Variants in ACAP2 observed in about 807,000 individuals in gnomAD.
The protein encoded by ACAP2 is arf-GAP with coiled-coil, ANK repeat and PH domain-containing protein 2.
In ACAP2, 39 loss-of-function variants were observed where a neutral mutation model predicts 115.8. The ratio of observed to expected loss-of-function variants is 0.34; its 90% CI spans 0.26 to 0.44. The LOEUF (loss-of-function observed/expected upper bound fraction) is 0.44. Ranked by LOEUF, ACAP2 falls within the 20% of genes least tolerant of loss-of-function variation. ACAP2 has a pLI of 1.00. For missense variants in ACAP2, 662 were observed against 927.6 expected (o/e 0.71, Z 3.72); for synonymous variants, 289 against 315.8 (o/e 0.92, Z 0.90).
At chr3:195,317,278 A>T (rs887808416) in intron 10 of ACAP2, among the ~76,000 whole-genome samples, 1 of 152,140 alleles carries the variant, frequency 6.6e-6, no homozygotes, top group Non-Finnish European at 1.5e-5. Context: ...AAAACATTAA[A>T]TTTTTCCATT....
At chr3:195,366,466 A>G (rs1296809996) in intron 4 of ACAP2, among the ~76,000 whole-genome samples, 1 of 152,210 alleles carries the variant, frequency 6.6e-6, no homozygotes, top group Non-Finnish European at 1.5e-5. Context: ...GTATTTTAAA[A>G]GCTTGCCAGG....
rs548974427 is a variant in ACAP2, at chr3:195,279,324, A to G, written c.*4T>C. On this transcript the variant is annotated 3_prime_UTR_variant, in exon 23 of 23. Coordinates refer to ENST00000326793, the MANE Select transcript of ACAP2 (RefSeq NM_012287.6). Reference sequence around the variant, plus strand: ...ATTTCATATTTTCCCATTTTTAAAAAAATTCAGAATTTCTGTGAATCTTGC... The same window carrying G: ...ATTTCATATTTTCCCATTTTTAAAAGAATTCAGAATTTCTGTGAATCTTGC... The G allele has an allele frequency of 1.3e-6, 2 of 1,588,848 alleles. No homozygotes were observed. The highest frequency in any genetic ancestry group is 2.3e-5 in the East Asian group (1 of 44,218).
intron 4 of ACAP2, among the ~76,000 whole-genome samples, chr3:195,371,755 C>A (rs1253173597): frequency 2.0e-5 from 3 of 152,126 alleles, no homozygotes; most frequent in African/African-American, 7.2e-5. Context: ...CGGGCTCAAG[C>A]AATTGTCATG....
intron 1 of ACAP2, among the ~76,000 whole-genome samples, chr3:195,419,920 C>T (rs538544841): frequency 3.9e-5 from 6 of 152,344 alleles, no homozygotes; most frequent in Non-Finnish European, 1.5e-5. Flanking sequence ...TTCAACAATA[C>T]ATTTTAAAGT....
chr3:195,311,153 G>C (rs1728744937), intron 10 of ACAP2, among the ~76,000 whole-genome samples: 1 of 145,064 alleles, frequency 6.9e-6, no homozygotes, highest in South Asian at 2.2e-4. Context: ...CTGGAGTGCA[G>C]GGGTGCGATC....
At chr3:195,365,583 C>A (rs1043692002) in intron 4 of ACAP2, among the ~76,000 whole-genome samples, 2 of 151,432 alleles carry the variant, frequency 1.3e-5, no homozygotes, top group African/African-American at 4.9e-5. Flanking sequence ...AAAAAAAACA[C>A]ATTAAGTATT....
chr3:195,368,802 G>A lies in ACAP2; in HGVS notation c.285+12207C>T, dbSNP rs534249137. 8.5e-5 allele frequency among the ~76,000 whole-genome samples: 13 copies of A among 152,186 alleles called. 1 individual carries two copies. The highest frequency in any genetic ancestry group is 6.8e-3 in the Middle Eastern group (2 of 294). ...AAAAATCATTTCTAAAGAAGAAATCGGCAGAGCACAGTGGCTCACGCCTGT... is the reference window on the plus strand; with the variant it reads ...AAAAATCATTTCTAAAGAAGAAATCAGCAGAGCACAGTGGCTCACGCCTGT... On this transcript the variant is annotated intron_variant, in intron 4 of 22. Transcript: ENST00000326793.
chr3:195,378,465 C>A (rs1396298058), intron 4 of ACAP2, among the ~76,000 whole-genome samples: 2 of 151,602 alleles, frequency 1.3e-5, no homozygotes, highest in African/African-American at 4.8e-5. Context: ...GCACTCCAGC[C>A]TGGCAACAGA....
intron 4 of ACAP2, among the ~76,000 whole-genome samples, chr3:195,365,923 C>T (rs1732688072): frequency 2.0e-5 from 3 of 151,146 alleles, no homozygotes; most frequent in East Asian, 3.9e-4. Context: ...CTCACCGCAA[C>T]CTGCACTTCC....
rs377628235 is a variant in ACAP2 at position 195,341,321 on chromosome 3, GT to G, written c.528+1149del. ...TTCGTTTGTTTGTTTTATTGTGTGG[GT>G]TTTTTTTTTTTTTTTTTTTTGAGAC... is the stretch of plus-strand genomic sequence containing the variant. On this transcript the variant is annotated intron_variant, in intron 6 of 22. Transcript: ENST00000326793. Among the ~76,000 whole-genome samples, 74 of 107,066 alleles carry G rather than the reference GT, an allele frequency of 6.9e-4. 1 individual carries two copies. Among genetic ancestry groups the G allele is most frequent in the African/African-American group, 2.4e-3 (65 of 27,336 alleles). The allele number at this position is 107,066 out of a possible 152,430, so 70.2% of individuals were successfully genotyped here.
At chr3:195,342,190 T>C (rs552677840) in intron 6 of ACAP2, among the ~76,000 whole-genome samples, 14 of 152,220 alleles carry the variant, frequency 9.2e-5, no homozygotes, top group African/African-American at 3.4e-4. Context: ...ACATAACAAC[T>C]CCAGAGAATA....
At chr3:195,309,890 T>C (rs77958391) in intron 10 of ACAP2, among the ~76,000 whole-genome samples, 3,289 of 152,294 alleles carry the variant, frequency 0.022, 117 homozygotes, top group East Asian at 0.1. Context: ...TTACTAATTC[T>C]AATTTATTAA....
intron 4 of ACAP2, among the ~76,000 whole-genome samples, chr3:195,379,771 T>C (rs1733824410): frequency 6.6e-6 from 1 of 152,164 alleles, no homozygotes; most frequent in Non-Finnish European, 1.5e-5. Context: ...GCCATTGCAC[T>C]CCAGTCTGGG....
intron 11 of ACAP2, among the ~76,000 whole-genome samples, chr3:195,308,053 A>C (rs1728532198): frequency 6.6e-6 from 1 of 152,188 alleles, no homozygotes; most frequent in African/African-American, 2.4e-5. Context: ...CTCAACTCAC[A>C]TGTAATCCCA....
intron 1 of ACAP2, among the ~76,000 whole-genome samples, chr3:195,436,117 ATG>A (rs1302321947): frequency 7.7e-6 from 1 of 129,866 alleles, no homozygotes; most frequent in Non-Finnish European, 1.6e-5. Context: ...ATACATATAT[ATG>A]TATATATATA....
At chr3:195,345,395 C>A in intron 4 of ACAP2, 78 bp from the exon 5 acceptor site, 1 of 814,702 alleles carries the variant, frequency 1.2e-6, no homozygotes, top group Non-Finnish European at 2.1e-6. Flanking sequence ...AATACCACAT[C>A]CCTCCATCAA....
chr3:195,411,466 C>G (rs1355410566), intron 1 of ACAP2, among the ~76,000 whole-genome samples: 1 of 152,120 alleles, frequency 6.6e-6, no homozygotes, highest in Non-Finnish European at 1.5e-5. Context: ...TATGAATGTA[C>G]TTAATACCAC....
At chr3:195,371,426 G>T (rs945886123) in intron 4 of ACAP2, among the ~76,000 whole-genome samples, 19 of 152,164 alleles carry the variant, frequency 1.2e-4, no homozygotes, top group African/African-American at 4.1e-4. Flanking sequence ...CTTTGCTGAA[G>T]TTGTTTATCA....
rs867998747 is a variant in ACAP2, at chr3:195,437,901, T to C, written c.53+4894A>G. On this transcript the variant is annotated intron_variant, in intron 1 of 22. Coordinates refer to ENST00000326793, the MANE Select transcript of ACAP2 (RefSeq NM_012287.6). ...CTTTACATGCTTTTTTTTTTTTTTT[T>C]TTTTCATTAAAATTAGAGACAAGGT... 1.3e-3 allele frequency among the ~76,000 whole-genome samples: 192 copies of C among 149,322 alleles called. 1 individual carries two copies. Among genetic ancestry groups the C allele is most frequent in the African/African-American group, 4.3e-3 (176 of 40,894 alleles).
Sources: gnomAD v4.1 joint callset for allele counts (sites outside exome capture counted in the v4.1 genomes callset) on GRCh38, gnomAD v4.1.1 for gene constraint, MANE v1.5 for transcripts, NCBI Gene and HGNC (gene_info 2026-07-23, HGNC 2026-07-21) for gene names.